Variants in VAV1 observed in about 807,000 individuals in gnomAD.
VAV1 encodes the protein proto-oncogene vav.
A neutral mutation model predicts 128.1 loss-of-function variants in VAV1; 33 were observed. That is an observed-to-expected ratio of 0.26 (90% CI 0.20 to 0.34). VAV1 has a LOEUF of 0.34. Among genes scored for constraint, VAV1 ranks in the 10% least tolerant of loss-of-function variants. VAV1 has a pLI of 1.00. For missense variants in VAV1, 715 were observed against 1,093.7 expected, an observed-to-expected ratio of 0.65 and a Z score of 4.88; for synonymous variants, 394 against 409.8, an observed-to-expected ratio of 0.96 and a Z score of 0.47.
chr19:6,848,428 T>C (rs1031128358), intron 23 of VAV1, among the ~76,000 whole-genome samples: 2 of 151,900 alleles, frequency 1.3e-5, no homozygotes, highest in African/African-American at 4.8e-5. Context: ...TCTTTTTTTT[T>C]CTGACAGAGT....
intron 1 of VAV1, among the ~76,000 whole-genome samples, chr19:6,797,990 T>A (rs1432071092): frequency 1.3e-5 from 2 of 150,776 alleles, no homozygotes; most frequent in Non-Finnish European, 3.0e-5. Context: ...ATATTTAAAA[T>A]ACATTGGTGG....
chr19:6,789,935 G>C (rs978096919), intron 1 of VAV1, among the ~76,000 whole-genome samples: 1 of 152,150 alleles, frequency 6.6e-6, no homozygotes, highest in African/African-American at 2.4e-5. Context: ...GCCAGACGTG[G>C]TGGCTCATGC....
In VAV1 at chr19:6,820,434, T is replaced by A. The variant is rs1971753939; in HGVS notation, c.205-268T>A. Among the ~76,000 whole-genome samples, 2 of 152,212 alleles carry A rather than the reference T, an allele frequency of 1.3e-5. 1 individual carries two copies. The highest frequency in any genetic ancestry group is 1.3e-4 in the Admixed American group (2 of 15,276). Reference sequence around the variant, plus strand: ...TGCTTCATTCCTTTTTATGGCTGAATAATATTCCATTGTATGGATATACCA... The same window carrying A: ...TGCTTCATTCCTTTTTATGGCTGAAAAATATTCCATTGTATGGATATACCA... On this transcript the variant is annotated intron_variant, in intron 1 of 26. Coordinates refer to ENST00000602142, the MANE Select transcript of VAV1 (RefSeq NM_005428.4). This position sits in a 1 kb window ranked among gnomAD's most constrained non-coding sequence, Gnocchi z 4.4.
rs34312529 is a variant in VAV1 at position 6,800,792 on chromosome 19, T to TTGTG, written c.205-19895_205-19892dup. Reference sequence around the variant, plus strand: ...GCCTGTCACCACGCCTGGCAAATTTTTGTGTGTGTGTGTGTGTGCAGTCGG... The same window carrying TTGTG: ...GCCTGTCACCACGCCTGGCAAATTTTTGTGTGTGTGTGTGTGTGTGTGCAGTCGG... On this transcript the variant is annotated intron_variant, in intron 1 of 26. Transcript: ENST00000602142. 4.1e-3 allele frequency among the ~76,000 whole-genome samples: 609 copies of TTGTG among 147,674 alleles called. 2 individuals carry two copies. Among genetic ancestry groups the TTGTG allele is most frequent in the African/African-American group, 0.011 (432 of 40,434 alleles).
intron 1 of VAV1, among the ~76,000 whole-genome samples, chr19:6,793,880 G>C (rs1971070934): frequency 6.6e-6 from 1 of 152,118 alleles, no homozygotes; most frequent in Non-Finnish European, 1.5e-5. Context: ...AATTAAAAAT[G>C]AGGTAATAAT....
intron 1 of VAV1, among the ~76,000 whole-genome samples, chr19:6,815,995 A>G (rs569128815): frequency 1.0e-3 from 155 of 151,750 alleles, no homozygotes; most frequent in Middle Eastern, 6.8e-3. Context: ...CGGCAACATA[A>G]TGAAACTCTC....
chr19:6,857,280 T>C lies in VAV1; in HGVS notation c.*173T>C. Reference sequence around the variant, plus strand: ...GGGATGTGCCCTGACATGGTTAATTTATAACACCCCGATTTCCTCTTGGGT... The same window carrying C: ...GGGATGTGCCCTGACATGGTTAATTCATAACACCCCGATTTCCTCTTGGGT... On this transcript the variant is annotated 3_prime_UTR_variant, in exon 27 of 27. Coordinates refer to ENST00000602142, the MANE Select transcript of VAV1 (RefSeq NM_005428.4). 1.3e-6 allele frequency: 1 copy of C among 775,972 alleles called. No individual in the cohort carries two copies. Among genetic ancestry groups the C allele is most frequent in the Non-Finnish European group, 2.0e-6 (1 of 497,942 alleles). 48.1% of individuals were successfully genotyped at this position (775,972 alleles called of 1,614,324 possible). A position where few individuals can be genotyped will look rare whatever the true frequency, so the allele number is the denominator to read the frequency against.
chr19:6,812,146 G>A (rs1357482378), intron 1 of VAV1, among the ~76,000 whole-genome samples: 1 of 152,214 alleles, frequency 6.6e-6, no homozygotes, highest in Non-Finnish European at 1.5e-5. Flanking sequence ...TTTTCCAGCA[G>A]CAATTCCATA....
chr19:6,828,528 C>A lies in VAV1; in HGVS notation c.1092+41C>A. On this transcript the variant is annotated intron_variant, in intron 11 of 26. Coordinates refer to ENST00000602142, the MANE Select transcript of VAV1 (RefSeq NM_005428.4). The surrounding 1 kb of genome is among the most constrained non-coding windows in gnomAD (Gnocchi z 4.5). ...GTGCTGGTGACTCACCTGCTGCAGA[C>A]ACCCTCCTGGTAGGGGCTGATCCTC... The A allele has an allele frequency of 6.2e-7, 1 of 1,613,920 alleles. No individual in the cohort carries two copies. Among genetic ancestry groups the A allele is most frequent in the Non-Finnish European group, 8.5e-7 (1 of 1,179,866 alleles).
At chr19:6,825,702 T>C (rs1971901196) in intron 8 of VAV1, among the ~76,000 whole-genome samples, 1 of 152,118 alleles carries the variant, frequency 6.6e-6, no homozygotes, top group South Asian at 2.1e-4. Flanking sequence ...GCCTGGCACA[T>C]AGTAGATGCT....
intron 1 of VAV1, chr19:6,784,176 C>T (rs1340340717): frequency 5.0e-6 from 3 of 595,644 alleles, no homozygotes; most frequent in Non-Finnish European, 9.2e-6. Context: ...ATCGCTTGAG[C>T]CCAGGAGTTT....
intron 1 of VAV1, among the ~76,000 whole-genome samples, chr19:6,785,723 G>A (rs1475152222): frequency 2.0e-5 from 3 of 148,230 alleles, no homozygotes; most frequent in African/African-American, 7.5e-5. Context: ...GCAGTGGCAC[G>A]ATCTCAGCTC....
intron 14 of VAV1, among the ~76,000 whole-genome samples, chr19:6,830,620 A>C (rs772698955): frequency 1.3e-5 from 2 of 150,786 alleles, no homozygotes; most frequent in Non-Finnish European, 3.0e-5. Context: ...TTGTATTTTT[A>C]GTAGAGACGA....
intron 1 of VAV1, among the ~76,000 whole-genome samples, chr19:6,787,573 G>GATTT (rs74174839): frequency 0.11 from 16,109 of 147,012 alleles, 931 homozygotes; most frequent in East Asian, 0.14. Context: ...AACTACTCCA[G>GATTT]ATTTATTTAT....
chr19:6,799,802 G>A (rs1971222573), intron 1 of VAV1, among the ~76,000 whole-genome samples: 1 of 143,436 alleles, frequency 7.0e-6, no homozygotes, highest in South Asian at 2.2e-4. Flanking sequence ...CTGTGATTGG[G>A]CCAGGCTGCA....
intron 1 of VAV1, among the ~76,000 whole-genome samples, chr19:6,812,019 A>C (rs531582246): frequency 6.6e-6 from 1 of 152,192 alleles, no homozygotes; most frequent in Non-Finnish European, 1.5e-5. Context: ...CCTTAAATAC[A>C]GTGCCCTGAA....
Position 6,826,493 on chromosome 19 carries a change from G to A in VAV1, c.828-119G>A. The A allele has an allele frequency of 1.4e-6, 1 of 697,626 alleles. No homozygotes were observed. The highest frequency in any genetic ancestry group is 1.6e-5 in the South Asian group (1 of 63,180). The allele number at this position is 697,626 out of a possible 1,614,324, so 43.2% of individuals were successfully genotyped here. A position where few individuals can be genotyped will look rare whatever the true frequency, so the allele number is the denominator to read the frequency against. On this transcript the variant is annotated intron_variant, in intron 8 of 26. Transcript: ENST00000602142. This position sits in a 1 kb window ranked among gnomAD's most constrained non-coding sequence, Gnocchi z 4.1. Reference sequence around the variant, plus strand: ...TATTGTTATGCCCATTTCACAGATGGAGAAACTGGGACTCAGGTTTCTTCT... The same window carrying A: ...TATTGTTATGCCCATTTCACAGATGAAGAAACTGGGACTCAGGTTTCTTCT...
At chr19:6,805,082 T>G (rs1334965040) in intron 1 of VAV1, among the ~76,000 whole-genome samples, 1 of 151,868 alleles carries the variant, frequency 6.6e-6, no homozygotes, top group East Asian at 1.9e-4. Context: ...ATGCAGAAAT[T>G]TCCAGGGAAG....
At chr19:6,809,044 G>T (rs889996079) in intron 1 of VAV1, among the ~76,000 whole-genome samples, 2 of 150,758 alleles carry the variant, frequency 1.3e-5, no homozygotes, top group African/African-American at 4.9e-5. Context: ...GACCAACCCA[G>T]ATACAAAAGA....
Sources: allele counts gnomAD v4.1 joint callset (sites outside exome capture counted in the v4.1 genomes callset), GRCh38; gene constraint gnomAD v4.1.1; non-coding constraint Gnocchi (gnomAD v3.1); transcripts MANE v1.5; gene names NCBI Gene and HGNC (gene_info 2026-07-23, HGNC 2026-07-21).